The following DSCAML1 variants were observed in gnomAD, a reference collection of about 807,000 sequenced individuals.
DSCAML1 encodes the protein DS cell adhesion molecule like 1.
DSCAML1 carries 38 observed loss-of-function variants against 200.5 expected under a neutral mutation model. The observed-to-expected ratio is 0.19, with a 90% CI of 0.15 to 0.25. The LOEUF is 0.25. DSCAML1 is among the 10% of genes least tolerant of loss of function. The probability of loss-of-function intolerance (pLI) is 1.00; values close to 1 mark genes in which losing one functional copy is unlikely to be tolerated. For missense variants in DSCAML1, 2,223 were observed against 2,858.8 expected (o/e 0.78, Z 5.07); for synonymous variants, 1,215 against 1,165.0 (o/e 1.04, Z -0.87).
chr11:117,592,153 A>G (rs1259690292), intron 3 of DSCAML1, among the ~76,000 whole-genome samples: 1 of 152,142 alleles, frequency 6.6e-6, no homozygotes, highest in Non-Finnish European at 1.5e-5. Context: ...TGGGGCCCGC[A>G]GTAGTCAGAG....
chr11:117,602,004 C>T (rs895494315), intron 3 of DSCAML1, among the ~76,000 whole-genome samples: 2 of 152,232 alleles, frequency 1.3e-5, no homozygotes, highest in African/African-American at 2.4e-5. Flanking sequence ...CACTACATTC[C>T]CTGCTGCTGT....
intron 3 of DSCAML1, among the ~76,000 whole-genome samples, chr11:117,666,044 T>C (rs917432721): frequency 2.0e-5 from 3 of 152,162 alleles, no homozygotes; most frequent in Admixed American, 6.5e-5. Flanking sequence ...TTCTCCTCCA[T>C]CACTGCGGTC....
chr11:117,499,866 C>A (rs994923357), intron 11 of DSCAML1, among the ~76,000 whole-genome samples: 1 of 152,184 alleles, frequency 6.6e-6, no homozygotes, highest in African/African-American at 2.4e-5. Context: ...AAAAGGGTTC[C>A]GCATAGCAGT....
intron 11 of DSCAML1, among the ~76,000 whole-genome samples, chr11:117,490,748 C>A (rs2049166982): frequency 6.6e-6 from 1 of 152,248 alleles, no homozygotes; most frequent in African/African-American, 2.4e-5. Context: ...AGTCCTCTGA[C>A]AACTGGCCAG....
In DSCAML1 at chr11:117,439,880, C is replaced by T. The variant is rs764216134; in HGVS notation, c.3919G>A (p.Val1307Ile). 2 of 1,614,102 alleles carry T rather than the reference C, an allele frequency of 1.2e-6. No homozygotes were observed. The highest frequency in any genetic ancestry group is 1.7e-6 in the Non-Finnish European group (2 of 1,180,046). Residue 1307 changes from valine to isoleucine, a missense_variant, in exon 22 of 33, where the codon GTT becomes ATT. Transcript: ENST00000651296. Reference sequence around the variant, plus strand: ...CCCACTGAATTGCAAGGCAGCCGAACATCTTTCATCCAAGGTGTTGTCACG... The same window carrying T: ...CCCACTGAATTGCAAGGCAGCCGAATATCTTTCATCCAAGGTGTTGTCACG... The part of the protein sequence containing the change: ...GTVTTPWMKD[V>I]RLPCNSVGDP...
At chr11:117,816,776 AAG>A (rs540594742) in intron 1 of DSCAML1, among the ~76,000 whole-genome samples, 3 of 142,872 alleles carry the variant, frequency 2.1e-5, no homozygotes, top group South Asian at 4.8e-4. Context: ...CTCCCTGTAC[AAG>A]AGAGAGAGTT....
chr11:117,521,272 A>G lies in DSCAML1; in HGVS notation c.1071T>C (p.Pro357=), dbSNP rs1565761940. 5 of 1,614,186 alleles carry G rather than the reference A, an allele frequency of 3.1e-6. No individual in the cohort carries two copies. Among genetic ancestry groups the G allele is most frequent in the Non-Finnish European group, 3.4e-6 (4 of 1,180,014 alleles). The change falls in exon 6 of 33, where the codon CCT becomes CCC. Residue 357 remains proline (P), a synonymous_variant. Coordinates refer to ENST00000651296, the MANE Select transcript of DSCAML1 (RefSeq NM_020693.4). ...RWYRNTELVL[P]DEAISIRGLS... ...GCCCGCGGATGGAGATGGCCTCGTC[A>G]GGCAGCACCAGCTCCGTGTTGCGAT...
intron 3 of DSCAML1, among the ~76,000 whole-genome samples, chr11:117,730,870 A>G (rs1196543710): frequency 1.3e-5 from 2 of 152,230 alleles, no homozygotes; most frequent in Admixed American, 1.3e-4. Flanking sequence ...ATGAACCTCA[A>G]AAACATTCTT....
intron 3 of DSCAML1, 140 bp from the exon 4 acceptor site, chr11:117,532,662 G>A: frequency 2.3e-6 from 2 of 869,408 alleles, no homozygotes; most frequent in South Asian, 1.8e-5. Flanking sequence ...TCCTTTCAGT[G>A]TAGATGCTCC....
intron 3 of DSCAML1, among the ~76,000 whole-genome samples, chr11:117,639,350 G>A (rs1486945648): frequency 8.3e-5 from 12 of 144,544 alleles, no homozygotes; most frequent in Non-Finnish European, 1.8e-4. Flanking sequence ...GTGGGTGGGA[G>A]GTTGGATGGA....
At position 117,521,288 on chromosome 11, in the gene DSCAML1, G is replaced by A. The variant is rs1267706501; in HGVS notation, c.1055C>T (p.Thr352Met). ...PEFTIRWYRN[T>M]ELVLPDEAIS... is the part of the protein sequence containing the mutation. ...GGCCTCGTCAGGCAGCACCAGCTCC[G>A]TGTTGCGATACCAGCGGATGGTGAA... The change falls in exon 6 of 33, where the codon ACG (threonine) becomes ATG (methionine). Residue 352 changes from threonine (T) to methionine (M), a missense_variant. By Grantham distance (81) the Thr-to-Met change is moderately conservative. Coordinates refer to ENST00000651296, the MANE Select transcript of DSCAML1 (RefSeq NM_020693.4). 3.1e-6 allele frequency: 5 copies of A among 1,614,076 alleles called. No individual in the cohort carries two copies. In the African/African-American group the frequency reaches 5.3e-5, roughly 17 times the overall value.
chr11:117,641,823 C>T (rs975640796), intron 3 of DSCAML1, among the ~76,000 whole-genome samples: 9 of 152,154 alleles, frequency 5.9e-5, no homozygotes, highest in South Asian at 2.1e-4. Context: ...GGAGGAAACA[C>T]GCATCTATGG....
chr11:117,591,544 CTCTG>C (rs1485865840), intron 3 of DSCAML1, among the ~76,000 whole-genome samples: 7 of 152,234 alleles, frequency 4.6e-5, no homozygotes, highest in African/African-American at 1.7e-4. Context: ...TTGTAATATT[CTCTG>C]TCTGGGGACG....
chr11:117,501,599 G>A (rs1403038361), intron 11 of DSCAML1, among the ~76,000 whole-genome samples: 9 of 152,150 alleles, frequency 5.9e-5, no homozygotes, highest in Admixed American at 2.0e-4. Context: ...GGGAGAGTGG[G>A]GCCGGAATGG....
chr11:117,685,487 T>A (rs1299645792), intron 3 of DSCAML1, among the ~76,000 whole-genome samples: 2 of 152,144 alleles, frequency 1.3e-5, no homozygotes, highest in Non-Finnish European at 2.9e-5. Context: ...GGTAGAGTGA[T>A]GGGGCACATA....
chr11:117,512,790 CA>C (rs1445539843), intron 8 of DSCAML1, among the ~76,000 whole-genome samples: 191 of 150,858 alleles, frequency 1.3e-3, no homozygotes, highest in Non-Finnish European at 2.3e-3. Context: ...CACACACACA[CA>C]CACACACACA....
At chr11:117,686,757 G>T (rs1018302818) in intron 3 of DSCAML1, among the ~76,000 whole-genome samples, 3 of 152,108 alleles carry the variant, frequency 2.0e-5, no homozygotes, top group Non-Finnish European at 2.9e-5. Context: ...GGACCCTCAG[G>T]GCCTCAGAGA....
chr11:117,788,275 C>CTTTTGGTTT, intron 1 of DSCAML1, among the ~76,000 whole-genome samples: 1 of 152,166 alleles, frequency 6.6e-6, no homozygotes, highest in Middle Eastern at 3.2e-3. Context: ...ACAGTGCCAT[C>CTTTTGGTTT]TTTTGGTTTT....
chr11:117,803,757 C>T (rs747793620), intron 1 of DSCAML1, among the ~76,000 whole-genome samples: 119 of 152,322 alleles, frequency 7.8e-4, no homozygotes, highest in Admixed American at 1.6e-3. Context: ...TGTATTTGTA[C>T]AGTGCTGTTC....
Sources: gnomAD v4.1 joint callset for allele counts (sites outside exome capture counted in the v4.1 genomes callset) on GRCh38, gnomAD v4.1.1 for gene constraint, MANE v1.5 for transcripts, NCBI Gene and HGNC (gene_info 2026-07-23, HGNC 2026-07-21) for gene names.